CPXM2: variants seen among roughly 807,000 people sequenced by gnomAD.
The protein encoded by CPXM2 is inactive carboxypeptidase-like protein X2.
In CPXM2, 66 loss-of-function variants were observed where a neutral mutation model predicts 86.1. The ratio of observed to expected loss-of-function variants is 0.77; its 90% CI spans 0.63 to 0.94. CPXM2 has a LOEUF of 0.94. Among genes scored for constraint, CPXM2 ranks in the 40% least tolerant of loss-of-function variants. The pLI is 0.00. For missense variants in CPXM2, 948 were observed against 1,026.3 expected, an observed-to-expected ratio of 0.92 and a Z score of 1.04; for synonymous variants, 388 against 400.2, an observed-to-expected ratio of 0.97 and a Z score of 0.36.
chr10:123,765,741 G>A (rs1236374535), intron 10 of CPXM2, among the ~76,000 whole-genome samples: 2 of 152,178 alleles, frequency 1.3e-5, no homozygotes, highest in African/African-American at 4.8e-5. Context: ...TCACCCTACT[G>A]CTCACTTCTG....
rs193013500 is a variant in CPXM2, at chr10:123,763,889, C to A, written c.1480-1720G>T. Among the ~76,000 whole-genome samples, 615 of 152,276 alleles carry A rather than the reference C, an allele frequency of 4.0e-3. 5 individuals are homozygous for A. The highest frequency in any genetic ancestry group is 0.014 in the African/African-American group (587 of 41,550). ...TACGATATAGAAATATTCTACTTTA[C>A]AAGATAATCAAGTTACTTTCCAAAA... On this transcript the variant is annotated intron_variant, in intron 10 of 13. Transcript: ENST00000241305.
intron 6 of CPXM2, among the ~76,000 whole-genome samples, chr10:123,792,868 GC>G (rs1421305069): frequency 1.3e-5 from 2 of 152,168 alleles, no homozygotes; most frequent in Non-Finnish European, 2.9e-5. Context: ...AGCACCCAGA[GC>G]CACCGGCAGG....
chr10:123,900,476 C>T (rs933062340), intron 2 of CPXM2, among the ~76,000 whole-genome samples: 1 of 152,190 alleles, frequency 6.6e-6, no homozygotes, highest in Non-Finnish European at 1.5e-5. Flanking sequence ...TGCTCAAAGC[C>T]ATTAGTAACC....
intron 2 of CPXM2, chr10:123,913,768 C>T (rs1311034816): frequency 1.1e-5 from 3 of 264,348 alleles, no homozygotes; most frequent in Non-Finnish European, 2.3e-5. Context: ...TCCATGGTGA[C>T]CAGCAGCTCC....
intron 2 of CPXM2, among the ~76,000 whole-genome samples, chr10:123,913,108 T>C (rs1945503847): frequency 6.6e-6 from 1 of 152,324 alleles, no homozygotes; most frequent in East Asian, 1.9e-4. Context: ...ATTTGATTAA[T>C]GAGTGTGGAG....
upstream of CPXM2, among the ~76,000 whole-genome samples, chr10:123,895,121 CTTTTTTTTTTTTT>C (rs869104432): frequency 1.2e-5 from 1 of 85,890 alleles, no homozygotes; most frequent in African/African-American, 4.1e-5. Flanking sequence ...TCTTTTTTTT[CTTTTTTTTTTTTT>C]TTTTTTTTTG....
chr10:123,807,260 C>T (rs967450429), intron 4 of CPXM2, among the ~76,000 whole-genome samples: 2 of 152,076 alleles, frequency 1.3e-5, no homozygotes, highest in Admixed American at 6.5e-5. Flanking sequence ...TCACATTTAC[C>T]CCTTTGTGCC....
intron 10 of CPXM2, among the ~76,000 whole-genome samples, chr10:123,765,349 T>C (rs1315227836): frequency 6.6e-6 from 1 of 152,258 alleles, no homozygotes; most frequent in Non-Finnish European, 1.5e-5. Context: ...ATTCTCCTTG[T>C]AGTTCTAGAC....
intron 4 of CPXM2, among the ~76,000 whole-genome samples, chr10:123,826,279 TA>T (rs1848045711): frequency 1.3e-5 from 2 of 152,208 alleles, no homozygotes; most frequent in African/African-American, 4.8e-5. Context: ...CCTGCAAGAT[TA>T]TGCTTCTGAG....
At chr10:123,873,102 G>A (rs1944919763) in intron 2 of CPXM2, among the ~76,000 whole-genome samples, 1 of 152,060 alleles carries the variant, frequency 6.6e-6, no homozygotes, top group Non-Finnish European at 1.5e-5. Context: ...TATAAGAATT[G>A]AAAAGGAGAA....
intron 2 of CPXM2, among the ~76,000 whole-genome samples, chr10:123,875,558 G>A (rs1230599546): frequency 6.6e-6 from 1 of 152,164 alleles, no homozygotes; most frequent in Non-Finnish European, 1.5e-5. Flanking sequence ...GAAGAGAAGA[G>A]GCTCATAACA....
intron 2 of CPXM2, among the ~76,000 whole-genome samples, chr10:123,937,470 A>AACACACACACACACACACACACAC (rs201368456): frequency 1.5e-5 from 2 of 132,590 alleles, no homozygotes; most frequent in Non-Finnish European, 3.2e-5. Flanking sequence ...ACAACAAAAC[A>AACACACACACACACACACACACAC]ACACACACAC....
chr10:123,801,455 T>C (rs1436251874), intron 4 of CPXM2, among the ~76,000 whole-genome samples: 2 of 152,172 alleles, frequency 1.3e-5, no homozygotes, highest in Non-Finnish European at 2.9e-5. Context: ...CATTCCCCTA[T>C]ATTGAATCCA....
Position 123,761,912 on chromosome 10 carries a change from C to A in CPXM2, c.1737G>T (p.Glu579Asp). 6.2e-7 allele frequency: 1 copy of A among 1,613,852 alleles called. No homozygotes were observed. The highest frequency in any genetic ancestry group is 8.5e-7 in the Non-Finnish European group (1 of 1,179,890). The change falls in exon 11 of 14, where the codon GAG becomes GAT. Residue 579 changes from glutamate (E) to aspartate (D), a missense_variant. Physicochemically the swap from Glu to Asp is conservative, Grantham distance 45 (BLOSUM62 2). Transcript: ENST00000241305. Reference sequence around the variant, plus strand: ...GCCAGGAGGCCCCATTGACAGTGCCCTCCTCCTTCTGGAAGTCCTCCGTGT... The same window carrying A: ...GCCAGGAGGCCCCATTGACAGTGCCATCCTCCTTCTGGAAGTCCTCCGTGT... Reference protein sequence around the residue: ...VCHTEDFQKEEGTVNGASWHT... With the variant: ...VCHTEDFQKEDGTVNGASWHT...
rs1339079664 is a variant in CPXM2 at position 123,862,622 on chromosome 10, T to A, written c.505A>T (p.Asn169Tyr). Residue 169 changes from asparagine to tyrosine, a missense_variant, in exon 3 of 14, where the codon AAC (asparagine) becomes TAC (tyrosine). Physicochemically the swap from Asn to Tyr is moderately radical, Grantham distance 143. Transcript: ENST00000241305. Reference protein sequence around the residue: ...YGLGAHRGRLNIQAGINENDF... With the variant: ...YGLGAHRGRLYIQAGINENDF... ...ACCACAGGGCCAGGTACCTGGATGT[T>A]GAGTCTCCCTCGATGTGCCCCCAGG... 6.2e-7 allele frequency: 1 copy of A among 1,613,928 alleles called. No homozygotes were observed. Among genetic ancestry groups the A allele is most frequent in the East Asian group, 2.2e-5 (1 of 44,888 alleles).
At chr10:123,887,497 A>G (rs1276846522) in intron 1 of CPXM2, among the ~76,000 whole-genome samples, 2 of 152,180 alleles carry the variant, frequency 1.3e-5, no homozygotes, top group African/African-American at 4.8e-5. Flanking sequence ...AGTTAACAGT[A>G]TCACTGTCAA....
At chr10:123,775,429 G>A (rs989522526) in intron 7 of CPXM2, among the ~76,000 whole-genome samples, 2 of 152,198 alleles carry the variant, frequency 1.3e-5, no homozygotes, top group African/African-American at 2.4e-5. Flanking sequence ...ATTCAGCCCA[G>A]GCTGGCTTCC....
chr10:123,896,684 T>G (rs560351793), upstream of CPXM2, among the ~76,000 whole-genome samples: 2 of 152,316 alleles, frequency 1.3e-5, no homozygotes, highest in African/African-American at 4.8e-5. Flanking sequence ...CATGAGATAT[T>G]CCATTTGTAA....
At chr10:123,866,262 C>T (rs779204877) in intron 2 of CPXM2, among the ~76,000 whole-genome samples, 7 of 152,112 alleles carry the variant, frequency 4.6e-5, no homozygotes, top group Admixed American at 2.6e-4. Flanking sequence ...TCCAATCACA[C>T]GCACAAAGTT....
Sources: gnomAD v4.1 joint callset for allele counts (sites outside exome capture counted in the v4.1 genomes callset) on GRCh38, gnomAD v4.1.1 for gene constraint, MANE v1.5 for transcripts, NCBI Gene and HGNC (gene_info 2026-07-23, HGNC 2026-07-21) for gene names.